Variants in SEPTIN2 observed in about 807,000 individuals in gnomAD.
The protein encoded by SEPTIN2 is septin 2.
In SEPTIN2, 34 loss-of-function variants were observed where a neutral mutation model predicts 46.5. The observed-to-expected ratio is 0.73, with a 90% CI of 0.56 to 0.97. The LOEUF (loss-of-function observed/expected upper bound fraction) is 0.97, where lower values mean the gene tolerates loss of function less well. Ranked by LOEUF, SEPTIN2 falls within the 50% of genes least tolerant of loss-of-function variation. The pLI is 0.00. For missense variants in SEPTIN2, 347 were observed against 448.4 expected (o/e 0.77, Z 2.04); for synonymous variants, 175 against 153.4 (o/e 1.14, Z -1.04).
At chr2:241,347,834 C>T (rs1441951123) in intron 10 of SEPTIN2, among the ~76,000 whole-genome samples, 1 of 152,024 alleles carries the variant, frequency 6.6e-6, no homozygotes, top group African/African-American at 2.4e-5. Context: ...GCCAACGTGG[C>T]AAAACCCCAT....
chr2:241,343,856 C>A lies in SEPTIN2; in HGVS notation c.801C>A (p.Asn267Lys). ...CCTGGGGTGTTGTGGAAGTGGAGAA[C>A]CCAGAGCACAATGACTTTCTGAAGC... ...LYPWGVVEVE[N>K]PEHNDFLKLR... Residue 267 changes from asparagine (N) to lysine (K), a missense_variant, in exon 9 of 13, where the codon AAC becomes AAA. Coordinates refer to ENST00000391971, the MANE Select transcript of SEPTIN2 (RefSeq NM_004404.5). 1 of 1,614,170 alleles carries A rather than the reference C, an allele frequency of 6.2e-7. No individual in the cohort carries two copies. The highest frequency in any genetic ancestry group is 8.5e-7 in the Non-Finnish European group (1 of 1,180,022).
chr2:241,319,820 C>G (rs139362905), intron 1 of SEPTIN2, among the ~76,000 whole-genome samples: 13 of 152,330 alleles, frequency 8.5e-5, no homozygotes, highest in Non-Finnish European at 1.5e-4. Context: ...TCTTGAACTC[C>G]TGAGCTCAAG....
At chr2:241,323,484 C>T (rs2077454665) in intron 1 of SEPTIN2, among the ~76,000 whole-genome samples, 1 of 152,156 alleles carries the variant, frequency 6.6e-6, no homozygotes, top group Non-Finnish European at 1.5e-5. Flanking sequence ...TCTTGAACTC[C>T]TGACCTCAAG....
intron 3 of SEPTIN2, among the ~76,000 whole-genome samples, chr2:241,329,394 CT>C (rs2078596279): frequency 6.6e-6 from 1 of 152,020 alleles, no homozygotes; most frequent in African/African-American, 2.4e-5. Context: ...TCTCAAAGCG[CT>C]AGGATTAATA....
Position 241,352,751 on chromosome 2 carries a change from A to G in SEPTIN2, c.*814A>G, listed in dbSNP as rs1026080275. 1.3e-5 allele frequency: 2 copies of G among 152,234 alleles called. No homozygotes were observed. Among genetic ancestry groups the G allele is most frequent in the African/African-American group, 4.8e-5 (2 of 41,454 alleles). The allele number at this position is 152,234 out of a possible 1,614,324, so 9.4% of individuals were successfully genotyped here. A position where few individuals can be genotyped will look rare whatever the true frequency, so the allele number is the denominator to read the frequency against. On this transcript the variant is annotated 3_prime_UTR_variant, in exon 13 of 13. Transcript: ENST00000391971. ...AGCAGTCATAAGCTCCAGTTTTCGT[A>G]TTGCAAATAAGACTCTTACCTACAA...
At chr2:241,316,446 A>G in intron 1 of SEPTIN2, 1 of 1,435,714 alleles carries the variant, frequency 7.0e-7, no homozygotes. Context: ...CCAGCCCCCA[A>G]ACCTCCAAGC....
At chr2:241,329,558 G>C (rs954061429) in intron 3 of SEPTIN2, among the ~76,000 whole-genome samples, 2 of 152,154 alleles carry the variant, frequency 1.3e-5, no homozygotes, top group Non-Finnish European at 1.5e-5. Context: ...TAAAGAAATA[G>C]TACTTGAACA....
intron 5 of SEPTIN2, among the ~76,000 whole-genome samples, chr2:241,336,575 A>G (rs2080031003): frequency 6.6e-6 from 1 of 152,174 alleles, no homozygotes; most frequent in South Asian, 2.1e-4. Context: ...TCCTGGTTCT[A>G]TTCCTGTCAA....
chr2:241,323,949 A>T (rs1196756253), intron 1 of SEPTIN2, among the ~76,000 whole-genome samples: 1 of 152,244 alleles, frequency 6.6e-6, no homozygotes, highest in Non-Finnish European at 1.5e-5. Flanking sequence ...GTTTTGAATA[A>T]AGAATAGGGG....
chr2:241,337,738 T>C lies in SEPTIN2; in HGVS notation c.542T>C (p.Ile181Thr). Residue 181 changes from isoleucine to threonine, a missense_variant, in exon 7 of 13, where the codon ATT becomes ACT. Ile to Thr is a moderately conservative substitution (Grantham distance 89, BLOSUM62 -1). Coordinates refer to ENST00000391971, the MANE Select transcript of SEPTIN2 (RefSeq NM_004404.5). ...AACAAGGTGAATATTGTGCCTGTCATTGCAAAAGCTGACACTCTCACCCTG... is the reference window on the plus strand; with the variant it reads ...AACAAGGTGAATATTGTGCCTGTCACTGCAAAAGCTGACACTCTCACCCTG... ...IHNKVNIVPV[I>T]AKADTLTLKE... The C allele has an allele frequency of 1.9e-6, 3 of 1,614,140 alleles. No homozygotes were observed. Among genetic ancestry groups the C allele is most frequent in the Non-Finnish European group, 2.5e-6 (3 of 1,180,014 alleles).
chr2:241,323,610 AG>A (rs1164788646), intron 1 of SEPTIN2, among the ~76,000 whole-genome samples: 2 of 152,158 alleles, frequency 1.3e-5, no homozygotes, highest in Non-Finnish European at 2.9e-5. Context: ...TCTTATTCCT[AG>A]GGAAATATTT....
At chr2:241,345,923 CCT>C (rs1213373310) in intron 9 of SEPTIN2, among the ~76,000 whole-genome samples, 1 of 152,170 alleles carries the variant, frequency 6.6e-6, no homozygotes, top group Non-Finnish European at 1.5e-5. Flanking sequence ...CAGAAATCCC[CCT>C]GAGAGACTCA....
intron 4 of SEPTIN2, chr2:241,335,629 A>G (rs972392505): frequency 1.4e-5 from 8 of 580,412 alleles, no homozygotes; most frequent in East Asian, 5.8e-5. Context: ...ATAGGCACAC[A>G]TAGTGAGAGC....
chr2:241,316,434 G>A, intron 1 of SEPTIN2: 1 of 1,348,130 alleles, frequency 7.4e-7, no homozygotes, highest in Non-Finnish European at 9.8e-7. Context: ...GTGGAGGACT[G>A]GCCAGCCCCC....
chr2:241,332,562 A>G (rs2079171314), intron 3 of SEPTIN2, among the ~76,000 whole-genome samples: 1 of 152,254 alleles, frequency 6.6e-6, no homozygotes, highest in Non-Finnish European at 1.5e-5. Context: ...TAAAAATGCC[A>G]CAACCAGTAT....
chr2:241,349,211 A>G (rs1015475811), intron 11 of SEPTIN2, among the ~76,000 whole-genome samples: 1 of 151,846 alleles, frequency 6.6e-6, no homozygotes, highest in African/African-American at 2.4e-5. Flanking sequence ...GAAAAAAATT[A>G]AAAAATAATT....
intron 7 of SEPTIN2, among the ~76,000 whole-genome samples, chr2:241,342,319 G>A (rs76936834): frequency 3.3e-5 from 5 of 151,066 alleles, no homozygotes; most frequent in Non-Finnish European, 5.9e-5. Context: ...CTGTTCTCCA[G>A]GGTCTTCTCA....
At chr2:241,322,752 T>A (rs577353544) in intron 1 of SEPTIN2, among the ~76,000 whole-genome samples, 2 of 152,210 alleles carry the variant, frequency 1.3e-5, no homozygotes, top group Non-Finnish European at 2.9e-5. Flanking sequence ...TGTCAAAATC[T>A]AGTTCTCAGG....
intron 1 of SEPTIN2, among the ~76,000 whole-genome samples, chr2:241,322,614 A>G (rs971284124): frequency 1.3e-5 from 2 of 152,086 alleles, no homozygotes; most frequent in African/African-American, 4.8e-5. Context: ...TCAAAAAAAA[A>G]AAAAGAAAAG....
Sources: allele counts gnomAD v4.1 joint callset (sites outside exome capture counted in the v4.1 genomes callset), GRCh38; gene constraint gnomAD v4.1.1; transcripts MANE v1.5; gene names NCBI Gene and HGNC (gene_info 2026-07-23, HGNC 2026-07-21).